The following AUTS2 variants were observed in gnomAD, a reference collection of about 807,000 sequenced individuals.
AUTS2 encodes the protein activator of transcription and developmental regulator AUTS2.
A neutral mutation model predicts 112.4 loss-of-function variants in AUTS2; 17 were observed. The ratio of observed to expected loss-of-function variants is 0.15; its 90% CI spans 0.10 to 0.23. AUTS2 has a LOEUF of 0.23. Ranked by LOEUF, AUTS2 falls within the 10% of genes least tolerant of loss-of-function variation. AUTS2 has a pLI of 1.00. For missense variants in AUTS2, 1,510 were observed against 1,701.6 expected (o/e 0.89, Z 1.98); for synonymous variants, 751 against 702.7 (o/e 1.07, Z -1.09).
chr7:69,987,766 G>A (rs971818521), intron 2 of AUTS2, among the ~76,000 whole-genome samples: 3 of 152,202 alleles, frequency 2.0e-5, no homozygotes, highest in East Asian at 1.9e-4. Flanking sequence ...CACCATGTCC[G>A]GACTTTAAAA....
chr7:69,721,557 A>G (rs766585719), intron 1 of AUTS2, among the ~76,000 whole-genome samples: 5 of 152,120 alleles, frequency 3.3e-5, no homozygotes, highest in African/African-American at 9.7e-5. Context: ...TGTGGAATGG[A>G]TTTTTAGGGT....
At chr7:70,105,195 G>A (rs1804703395) in intron 2 of AUTS2, among the ~76,000 whole-genome samples, 1 of 152,138 alleles carries the variant, frequency 6.6e-6, no homozygotes, top group Admixed American at 6.5e-5. Flanking sequence ...AAATTGGGAA[G>A]TACAATTTAA....
At position 70,497,258 on chromosome 7, in the gene AUTS2, T is replaced by TCA. The variant is rs148815310; in HGVS notation, c.690+61491_690+61492dup. Among the ~76,000 whole-genome samples the TCA allele has an allele frequency of 6.6e-3, 496 of 75,038 alleles. 2 individuals carry two copies. Among genetic ancestry groups the TCA allele is most frequent in the African/African-American group, 0.025 (465 of 18,342 alleles). 49.2% of individuals were successfully genotyped at this position (75,038 alleles called of 152,430 possible). A position where few individuals can be genotyped will look rare whatever the true frequency, so the allele number is the denominator to read the frequency against. The stretch of plus-strand genomic sequence containing the variant: ...CCACTCACACACACCACGTACACAG[T>TCA]CACACACACACACACCCCCCACACA... On this transcript the variant is annotated intron_variant, in intron 5 of 18. Coordinates refer to ENST00000342771, the MANE Select transcript of AUTS2 (RefSeq NM_015570.4).
chr7:69,639,522 C>T (rs1275220839), intron 1 of AUTS2, among the ~76,000 whole-genome samples: 2 of 152,222 alleles, frequency 1.3e-5, no homozygotes, highest in African/African-American at 4.8e-5. Flanking sequence ...GACCTGTGGG[C>T]AGAACCTAGA....
At chr7:70,726,343 T>TAAAA (rs34064102) in intron 6 of AUTS2, among the ~76,000 whole-genome samples, 9 of 148,388 alleles carry the variant, frequency 6.1e-5, no homozygotes, top group East Asian at 3.9e-4. Flanking sequence ...TGGCATTTCT[T>TAAAA]AAAAAAAAAA....
chr7:70,482,500 A>G (rs933823395), intron 5 of AUTS2, among the ~76,000 whole-genome samples: 2 of 152,170 alleles, frequency 1.3e-5, no homozygotes, highest in African/African-American at 4.8e-5. Context: ...TAGTATTTTA[A>G]CGGGTCACCT....
chr7:70,767,169 A>G (rs1031552211), intron 9 of AUTS2, among the ~76,000 whole-genome samples: 2 of 152,198 alleles, frequency 1.3e-5, no homozygotes, highest in Non-Finnish European at 2.9e-5. Context: ...GGCCATTACT[A>G]TAGGCATTGT....
At chr7:70,335,606 C>T (rs992911931) in intron 4 of AUTS2, among the ~76,000 whole-genome samples, 5 of 152,186 alleles carry the variant, frequency 3.3e-5, no homozygotes, top group African/African-American at 9.7e-5. Context: ...TTTTCATTAG[C>T]GTACTTCATC....
At chr7:70,205,839 T>A (rs1810546648) in intron 4 of AUTS2, among the ~76,000 whole-genome samples, 1 of 152,220 alleles carries the variant, frequency 6.6e-6, no homozygotes, top group Non-Finnish European at 1.5e-5. Context: ...TACAGAGTGG[T>A]ACCAACATGG....
intron 6 of AUTS2, among the ~76,000 whole-genome samples, chr7:70,716,636 CAAAAAAAAAAAAAAAA>C (rs34972760): frequency 1.1e-4 from 7 of 64,948 alleles, no homozygotes; most frequent in Non-Finnish European, 1.4e-4. Flanking sequence ...GACTCCGTCT[CAAAAAAAAAAAAAAAA>C]AAAAAAAAAA....
intron 4 of AUTS2, among the ~76,000 whole-genome samples, chr7:70,426,710 C>T (rs773077652): frequency 2.6e-5 from 4 of 152,050 alleles, no homozygotes; most frequent in Non-Finnish European, 4.4e-5. Context: ...TCGGGTAATG[C>T]GATAAGTTCT....
chr7:69,942,103 C>T (rs1196760021), intron 2 of AUTS2, among the ~76,000 whole-genome samples: 1 of 152,108 alleles, frequency 6.6e-6, no homozygotes, highest in Non-Finnish European at 1.5e-5. Context: ...TTTCACAATG[C>T]CCTTGTATCT....
At chr7:69,793,775 A>G (rs1263047594) in intron 1 of AUTS2, among the ~76,000 whole-genome samples, 1 of 152,164 alleles carries the variant, frequency 6.6e-6, no homozygotes, top group Admixed American at 6.5e-5. Flanking sequence ...AAATTTTTTA[A>G]ATGTTTAAAC....
At chr7:70,326,917 C>CTTTTTTTTTT (rs552893729) in intron 4 of AUTS2, among the ~76,000 whole-genome samples, 1 of 120,686 alleles carries the variant, frequency 8.3e-6, no homozygotes, top group Non-Finnish European at 1.6e-5. Context: ...ATGCTTGGTT[C>CTTTTTTTTTT]TTTTTTTTTT....
chr7:69,791,302 G>A (rs1220451977), intron 1 of AUTS2, among the ~76,000 whole-genome samples: 2 of 152,142 alleles, frequency 1.3e-5, no homozygotes, highest in Non-Finnish European at 2.9e-5. Flanking sequence ...TGTTCCCTTC[G>A]AGCAACATGG....
At chr7:70,262,386 C>T (rs1198531762) in intron 4 of AUTS2, among the ~76,000 whole-genome samples, 1 of 152,126 alleles carries the variant, frequency 6.6e-6, no homozygotes, top group South Asian at 2.1e-4. Context: ...GACGAGGTTT[C>T]ACCATGTTAG....
intron 5 of AUTS2, among the ~76,000 whole-genome samples, chr7:70,565,605 A>T (rs965612525): frequency 1.3e-5 from 2 of 152,190 alleles, no homozygotes; most frequent in Non-Finnish European, 2.9e-5. Flanking sequence ...GCCTGAGCAC[A>T]GGAGGTTGAG....
intron 2 of AUTS2, among the ~76,000 whole-genome samples, chr7:70,082,027 T>C (rs1191841245): frequency 6.6e-6 from 1 of 151,930 alleles, no homozygotes; most frequent in African/African-American, 2.4e-5. Flanking sequence ...TGCCTGTGTG[T>C]GTGTTTAAAA....
intron 5 of AUTS2, among the ~76,000 whole-genome samples, chr7:70,496,018 CA>C (rs1401125892): frequency 1.0e-4 from 11 of 106,320 alleles, no homozygotes; most frequent in Non-Finnish European, 1.8e-4. Flanking sequence ...CACACACACA[CA>C]CCCCCCCCAC....
Sources: gnomAD v4.1 joint callset for allele counts (sites outside exome capture counted in the v4.1 genomes callset) on GRCh38, gnomAD v4.1.1 for gene constraint, MANE v1.5 for transcripts, NCBI Gene and HGNC (gene_info 2026-07-23, HGNC 2026-07-21) for gene names.